Variants in CAMK1G observed in about 807,000 individuals in gnomAD.
CAMK1G encodes the protein calcium/calmodulin-dependent protein kinase type 1G.
Under a neutral mutation model 54.8 loss-of-function variants are expected in CAMK1G, and 27 were observed. That is an observed-to-expected ratio of 0.49 (90% confidence interval 0.36 to 0.68). The LOEUF is 0.68. Ranked by LOEUF, CAMK1G falls within the 30% of genes least tolerant of loss-of-function variation. CAMK1G has a pLI of 0.00. For synonymous variants in CAMK1G, 238 were observed against 224.9 expected (o/e 1.06, Z -0.52); for missense variants, 512 against 591.0 (o/e 0.87, Z 1.39).
intron 2 of CAMK1G, among the ~76,000 whole-genome samples, chr1:209,595,557 G>A (rs906170428): frequency 4.4e-5 from 6 of 134,858 alleles, no homozygotes; most frequent in Admixed American, 1.5e-4. Flanking sequence ...GCCTCTGTCA[G>A]GAGAGGGGAG....
In CAMK1G at chr1:209,606,315, T is replaced by C; in HGVS notation, c.436-5T>C. On this transcript the variant is annotated splice_region_variant and splice_polypyrimidine_tract_variant and intron_variant, in intron 5 of 12. Coordinates refer to ENST00000361322, the MANE Select transcript of CAMK1G (RefSeq NM_020439.3). ...ATCCTACACTACATATTTTTTCTCC[T>C]ACAGCCCGAAAACCTGCTTTACCTT... is the stretch of plus-strand genomic sequence containing the variant. 1 of 1,613,558 alleles carries C rather than the reference T, an allele frequency of 6.2e-7. No homozygotes were observed. Among genetic ancestry groups the C allele is most frequent in the Non-Finnish European group, 8.5e-7 (1 of 1,179,696 alleles).
chr1:209,609,116 G>C (rs1307789257), intron 8 of CAMK1G, 24 bp downstream of exon 8: 1 of 1,613,990 alleles, frequency 6.2e-7, no homozygotes, highest in Non-Finnish European at 8.5e-7. Context: ...GCATGAAGGA[G>C]AGATAACAGG....
At position 209,603,440 on chromosome 1, in the gene CAMK1G, G is replaced by A. The variant is rs555616225; in HGVS notation, c.296+152G>A. On this transcript the variant is annotated intron_variant, in intron 4 of 12. Coordinates refer to ENST00000361322, the MANE Select transcript of CAMK1G (RefSeq NM_020439.3). The stretch of plus-strand genomic sequence containing the variant: ...CTCAGAAATGCCAAGGGTCCTTTTA[G>A]ACTGAGTGTGCCTCTGGTCATGGGC... 7.7e-6 allele frequency: 5 copies of A among 648,444 alleles called. No individual in the cohort carries two copies. The East Asian group carries it at 1.4e-4, about 18-fold the overall frequency. 40.2% of individuals were successfully genotyped at this position (648,444 alleles called of 1,614,324 possible).
rs562853883 is a variant in CAMK1G, at chr1:209,609,932, G to A, written c.827+3G>A. On this transcript the variant is annotated splice_donor_region_variant and intron_variant, in intron 9 of 12. Transcript: ENST00000361322. Reference sequence around the variant, plus strand: ...GAGAAGGCCTTGAGTCATCCCTGGTGAGTGAGACATGGAGTGGACTCTAGA... The same window carrying A: ...GAGAAGGCCTTGAGTCATCCCTGGTAAGTGAGACATGGAGTGGACTCTAGA... The A allele has an allele frequency of 5.6e-6, 9 of 1,613,250 alleles. No homozygotes were observed. The East Asian group carries it at 8.9e-5, about 16-fold the overall frequency.
intron 1 of CAMK1G, among the ~76,000 whole-genome samples, chr1:209,586,637 T>C (rs1665108528): frequency 1.3e-5 from 2 of 152,174 alleles, no homozygotes; most frequent in Admixed American, 1.3e-4. Flanking sequence ...GTGGACCCAC[T>C]GCATGGCACT....
At chr1:209,611,330 C>A in intron 9 of CAMK1G, 135 bp from the exon 10 acceptor site, 1 of 728,496 alleles carries the variant, frequency 1.4e-6, no homozygotes, top group Non-Finnish European at 2.3e-6. Flanking sequence ...CTGCTTGCAG[C>A]CCTTTCCTGC....
chr1:209,587,840 C>A (rs1221254000), intron 1 of CAMK1G, among the ~76,000 whole-genome samples: 2 of 151,116 alleles, frequency 1.3e-5, no homozygotes, highest in East Asian at 3.8e-4. Flanking sequence ...TTGCCTTTTA[C>A]CCTTTTGTAA....
intron 1 of CAMK1G, among the ~76,000 whole-genome samples, chr1:209,593,544 TTCTC>T (rs1185357154): frequency 2.0e-5 from 3 of 152,060 alleles, no homozygotes; most frequent in Non-Finnish European, 4.4e-5. Flanking sequence ...AAAAACATGT[TTCTC>T]TCTAGTATTC....
chr1:209,587,370 C>G (rs1665129957), intron 1 of CAMK1G, among the ~76,000 whole-genome samples: 2 of 152,128 alleles, frequency 1.3e-5, no homozygotes, highest in African/African-American at 4.8e-5. Context: ...AAAGGATGCT[C>G]TGAGAAACCC....
At chr1:209,587,022 G>A (rs767126860) in intron 1 of CAMK1G, among the ~76,000 whole-genome samples, 2 of 152,096 alleles carry the variant, frequency 1.3e-5, no homozygotes, top group Non-Finnish European at 2.9e-5. Flanking sequence ...GGGTCATTTT[G>A]TGAACAGAAA....
chr1:209,602,283 A>C (rs1461720136), intron 3 of CAMK1G, among the ~76,000 whole-genome samples: 1 of 152,146 alleles, frequency 6.6e-6, no homozygotes, highest in Non-Finnish European at 1.5e-5. Flanking sequence ...AGTCGTGACA[A>C]TCAAACATGT....
At chr1:209,586,987 G>A (rs1362048044) in intron 1 of CAMK1G, among the ~76,000 whole-genome samples, 1 of 152,066 alleles carries the variant, frequency 6.6e-6, no homozygotes, top group East Asian at 1.9e-4. Flanking sequence ...TAAACTGCAG[G>A]CAACAATTGA....
At chr1:209,593,671 A>G (rs1665311488) in intron 1 of CAMK1G, among the ~76,000 whole-genome samples, 1 of 120,818 alleles carries the variant, frequency 8.3e-6, no homozygotes, top group South Asian at 2.8e-4. Flanking sequence ...AATACTGTAG[A>G]TAACTGGACT....
rs1167613996 is a variant in CAMK1G, at chr1:209,612,016, G to A, written c.1140G>A (p.Arg380=). ...AATTACCCTGCCAGCATGGCCGCCG[G>A]CCCACTGCCCCTGGTGGCAGGTCCC... ...LTQLPCQHGR[R]PTAPGGRSLN... Residue 380 remains arginine, a synonymous_variant, in exon 11 of 13, where the codon CGG becomes CGA. Coordinates refer to ENST00000361322, the MANE Select transcript of CAMK1G (RefSeq NM_020439.3). The A allele has an allele frequency of 1.2e-6, 2 of 1,614,216 alleles. No homozygotes were observed. The highest frequency in any genetic ancestry group is 4.5e-5 in the East Asian group (2 of 44,878).
At chr1:209,584,851 A>T (rs1571767560) in intron 1 of CAMK1G, among the ~76,000 whole-genome samples, 1 of 152,132 alleles carries the variant, frequency 6.6e-6, no homozygotes, top group Non-Finnish European at 1.5e-5. Context: ...CAAAGATGAG[A>T]CCCACCTCTG....
At chr1:209,609,131 A>T (rs1665719443) in intron 8 of CAMK1G, 39 bp downstream of exon 8, 3 of 1,613,020 alleles carry the variant, frequency 1.9e-6, no homozygotes, top group Middle Eastern at 3.3e-4. Context: ...AACAGGCTCA[A>T]GGTAGAGGCT....
At chr1:209,609,501 C>G (rs1355811319) in intron 8 of CAMK1G, among the ~76,000 whole-genome samples, 1 of 152,206 alleles carries the variant, frequency 6.6e-6, no homozygotes, top group Non-Finnish European at 1.5e-5. Context: ...AAGTGGAAAT[C>G]AGAGCTGGAA....
At chr1:209,606,815 C>A (rs1326319677) in intron 6 of CAMK1G, among the ~76,000 whole-genome samples, 4 of 152,158 alleles carry the variant, frequency 2.6e-5, no homozygotes, top group African/African-American at 9.7e-5. Flanking sequence ...CTCCTTTCTC[C>A]CACTCTGAAG....
At chr1:209,611,402 C>A in intron 9 of CAMK1G, 63 bp from the exon 10 acceptor site, 1 of 1,482,210 alleles carries the variant, frequency 6.7e-7, no homozygotes, top group Non-Finnish European at 9.4e-7. Flanking sequence ...AGGCACCCTG[C>A]CCACTCCCTG....
Sources: gnomAD v4.1 joint callset for allele counts (sites outside exome capture counted in the v4.1 genomes callset) on GRCh38, gnomAD v4.1.1 for gene constraint, MANE v1.5 for transcripts, NCBI Gene and HGNC (gene_info 2026-07-23, HGNC 2026-07-21) for gene names.